SLC24A3: variants seen among roughly 807,000 people sequenced by gnomAD.
The protein encoded by SLC24A3 is solute carrier family 24 member 3.
A neutral mutation model predicts 75.8 loss-of-function variants in SLC24A3; 28 were observed. That is an observed-to-expected ratio of 0.37 (90% CI 0.27 to 0.51). The LOEUF is 0.51. Ranked by LOEUF, SLC24A3 falls within the 20% of genes least tolerant of loss-of-function variation. SLC24A3 has a pLI of 0.94. For synonymous variants in SLC24A3, 372 were observed against 334.1 expected, an observed-to-expected ratio of 1.11 and a Z score of -1.24; for missense variants, 663 against 847.8, an observed-to-expected ratio of 0.78 and a Z score of 2.71.
chr20:19,591,372 T>G (rs2031375133), intron 6 of SLC24A3, among the ~76,000 whole-genome samples: 1 of 152,184 alleles, frequency 6.6e-6, no homozygotes, highest in Non-Finnish European at 1.5e-5. Flanking sequence ...TGAAGGAAAT[T>G]TATAGATGTC....
intron 15 of SLC24A3, among the ~76,000 whole-genome samples, chr20:19,704,185 G>A (rs375745618): frequency 1.4e-5 from 1 of 71,128 alleles, no homozygotes; most frequent in Non-Finnish European, 2.5e-5. Flanking sequence ...ATGGATGGAT[G>A]GAGAGATGGA....
At chr20:19,654,210 A>T in intron 7 of SLC24A3, 74 bp downstream of exon 7, 2 of 1,408,234 alleles carry the variant, frequency 1.4e-6, no homozygotes, top group Non-Finnish European at 2.0e-6. Context: ...GCTCCTCCAC[A>T]TGGAGTTCAC....
intron 1 of SLC24A3, among the ~76,000 whole-genome samples, chr20:19,230,818 G>T (rs1028890738): frequency 3.3e-5 from 5 of 152,096 alleles, no homozygotes; most frequent in Non-Finnish European, 5.9e-5. Context: ...CTTCTTTTAT[G>T]CATCTCTGTA....
chr20:19,436,306 G>C (rs1478056302), intron 2 of SLC24A3, among the ~76,000 whole-genome samples: 1 of 152,110 alleles, frequency 6.6e-6, no homozygotes, highest in East Asian at 1.9e-4. Context: ...CATGTAAAAG[G>C]ACCCAAGTAG....
rs6035400 is a variant in SLC24A3, at chr20:19,651,010, T to G, written c.613-3052T>G. 3.4e-3 allele frequency among the ~76,000 whole-genome samples: 517 copies of G among 152,288 alleles called. 3 individuals are homozygous for G. Among genetic ancestry groups the G allele is most frequent in the African/African-American group, 0.012 (500 of 41,570 alleles). On this transcript the variant is annotated intron_variant, in intron 6 of 16. Coordinates refer to ENST00000328041, the MANE Select transcript of SLC24A3 (RefSeq NM_020689.4). Reference sequence around the variant, plus strand: ...TGCTGTAAAAGTTTCATTTTGGAATTTCCTTTTATCATCCTTCTAAATTCT... The same window carrying G: ...TGCTGTAAAAGTTTCATTTTGGAATGTCCTTTTATCATCCTTCTAAATTCT...
intron 2 of SLC24A3, among the ~76,000 whole-genome samples, chr20:19,323,117 A>T (rs1478693475): frequency 6.7e-6 from 1 of 150,162 alleles, no homozygotes; most frequent in Non-Finnish European, 1.5e-5. Context: ...GAGGCAGGAG[A>T]ATGGCGTGAA....
intron 1 of SLC24A3, among the ~76,000 whole-genome samples, chr20:19,219,434 G>A (rs148040899): frequency 8.0e-4 from 122 of 152,270 alleles, no homozygotes; most frequent in Middle Eastern, 3.4e-3. Context: ...GGGTGGCAGC[G>A]TTGTCTTCGA....
At chr20:19,377,392 A>G (rs1986102619) in intron 2 of SLC24A3, among the ~76,000 whole-genome samples, 1 of 152,218 alleles carries the variant, frequency 6.6e-6, no homozygotes, top group Non-Finnish European at 1.5e-5. Flanking sequence ...GTAGCATAAT[A>G]GCAGCATGAC....
intron 2 of SLC24A3, among the ~76,000 whole-genome samples, chr20:19,379,704 T>A (rs1986149585): frequency 6.6e-6 from 1 of 152,030 alleles, no homozygotes; most frequent in East Asian, 1.9e-4. Context: ...TATACAAGCC[T>A]CCCCTCCTCC....
intron 2 of SLC24A3, among the ~76,000 whole-genome samples, chr20:19,488,144 T>C (rs1334996719): frequency 2.0e-5 from 3 of 152,206 alleles, no homozygotes; most frequent in Non-Finnish European, 4.4e-5. Context: ...TAGCGCATTT[T>C]ATTGTTACTG....
At chr20:19,370,927 G>A (rs540513890) in intron 2 of SLC24A3, among the ~76,000 whole-genome samples, 5 of 152,144 alleles carry the variant, frequency 3.3e-5, no homozygotes, top group Non-Finnish European at 7.3e-5. Context: ...ATCCTTTAGT[G>A]TAATATTTTG....
chr20:19,556,579 A>G (rs1420139581), intron 3 of SLC24A3, among the ~76,000 whole-genome samples: 2 of 114,320 alleles, frequency 1.7e-5, no homozygotes, highest in Non-Finnish European at 3.7e-5. Flanking sequence ...AGTGTGTGAA[A>G]AAAAAAAAAA....
chr20:19,479,201 T>G (rs1484290705), intron 2 of SLC24A3, among the ~76,000 whole-genome samples: 1 of 152,232 alleles, frequency 6.6e-6, no homozygotes, highest in East Asian at 1.9e-4. Context: ...CTCCACATGC[T>G]TCCTTCCTGC....
intron 2 of SLC24A3, among the ~76,000 whole-genome samples, chr20:19,456,560 T>C (rs1987581252): frequency 6.6e-6 from 1 of 152,236 alleles, no homozygotes; most frequent in Non-Finnish European, 1.5e-5. Context: ...CTTCATTTTG[T>C]AAATTGCCCA....
intron 2 of SLC24A3, among the ~76,000 whole-genome samples, chr20:19,330,936 T>C (rs1457643458): frequency 2.6e-5 from 4 of 152,192 alleles, no homozygotes; most frequent in Admixed American, 6.5e-5. Context: ...GACTTGAATC[T>C]AGTTATGAGG....
rs3790199 is a variant in SLC24A3, at chr20:19,427,025, A to T, written c.272-88463A>T. Among the ~76,000 whole-genome samples the T allele has an allele frequency of 0.026, 3,997 of 152,202 alleles. 389 individuals carry two copies. In the East Asian group the frequency reaches 0.37, roughly 14 times the overall value. On this transcript the variant is annotated intron_variant, in intron 2 of 16. Transcript: ENST00000328041. ...GACAGGAAATACAAGGGTGAAGAAG[A>T]TATGCATGTATGTGTGTATGCCTGT...
At chr20:19,676,596 A>G (rs2032526731) in intron 9 of SLC24A3, among the ~76,000 whole-genome samples, 1 of 152,254 alleles carries the variant, frequency 6.6e-6, no homozygotes, top group Admixed American at 6.5e-5. Flanking sequence ...TTCAATTAAA[A>G]ATATAAAACA....
chr20:19,405,778 A>T (rs1986634033), intron 2 of SLC24A3, among the ~76,000 whole-genome samples: 1 of 152,232 alleles, frequency 6.6e-6, no homozygotes, highest in Non-Finnish European at 1.5e-5. Flanking sequence ...AATTATTGAA[A>T]GGTATAGCTT....
chr20:19,469,727 T>C (rs1231076244), intron 2 of SLC24A3, among the ~76,000 whole-genome samples: 2 of 152,202 alleles, frequency 1.3e-5, no homozygotes, highest in African/African-American at 4.8e-5. Context: ...GTGCTAGTCT[T>C]CCATGATGTT....
Sources: allele counts gnomAD v4.1 joint callset (sites outside exome capture counted in the v4.1 genomes callset), GRCh38; gene constraint gnomAD v4.1.1; transcripts MANE v1.5; gene names NCBI Gene and HGNC (gene_info 2026-07-23, HGNC 2026-07-21).